SLC24A2: variants seen among roughly 807,000 people sequenced by gnomAD.
SLC24A2 encodes sodium/potassium/calcium exchanger 2.
A neutral mutation model predicts 62.0 loss-of-function variants in SLC24A2; 36 were observed. That is an observed-to-expected ratio of 0.58 (90% CI 0.44 to 0.77). SLC24A2 has a LOEUF of 0.77. Ranked by LOEUF, SLC24A2 falls within the 30% of genes least tolerant of loss-of-function variation. SLC24A2 has a pLI of 0.00. For synonymous variants in SLC24A2, 358 were observed against 294.0 expected, an observed-to-expected ratio of 1.22 and a Z score of -2.23; for missense variants, 846 against 817.9, an observed-to-expected ratio of 1.03 and a Z score of -0.42.
the SLC24A2 span, among the ~76,000 whole-genome samples, chr9:20,212,902 T>C: frequency 6.6e-6 from 1 of 151,762 alleles, no homozygotes; most frequent in South Asian, 2.1e-4. Flanking sequence ...ATTAATATCC[T>C]CAGCAATTCA....
chr9:19,886,675 C>G, the SLC24A2 span, among the ~76,000 whole-genome samples: 1 of 152,132 alleles, frequency 6.6e-6, no homozygotes, highest in Non-Finnish European at 1.5e-5. Context: ...CCAGAAATAC[C>G]ATTTGACCCA....
intron 2 of SLC24A2, among the ~76,000 whole-genome samples, chr9:19,717,738 G>A (rs1451526944): frequency 6.6e-6 from 1 of 152,040 alleles, no homozygotes; most frequent in East Asian, 1.9e-4. Flanking sequence ...TTTCTTAGTT[G>A]TTTTGTACAC....
chr9:20,063,468 A>G, the SLC24A2 span, among the ~76,000 whole-genome samples: 4 of 126,948 alleles, frequency 3.2e-5, no homozygotes, highest in Admixed American at 3.7e-4. Flanking sequence ...CAGGAAGGGG[A>G]ACATCACACT....
the SLC24A2 span, among the ~76,000 whole-genome samples, chr9:20,177,523 C>A: frequency 6.6e-6 from 1 of 151,924 alleles, no homozygotes; most frequent in African/African-American, 2.4e-5. Context: ...AGGTGTTGAC[C>A]CCGTTAGATG....
At chr9:19,956,404 C>A in the SLC24A2 span, among the ~76,000 whole-genome samples, 1 of 152,196 alleles carries the variant, frequency 6.6e-6, no homozygotes, top group Non-Finnish European at 1.5e-5. Flanking sequence ...GAAACCTAAT[C>A]ACCAGTGTAA....
At chr9:19,990,643 A>T in the SLC24A2 span, among the ~76,000 whole-genome samples, 167 of 151,246 alleles carry the variant, frequency 1.1e-3, 5 homozygotes, top group East Asian at 0.03. Flanking sequence ...AACAAAAAAA[A>T]AAAAGGAAAA....
chr9:19,858,940 C>A, the SLC24A2 span, among the ~76,000 whole-genome samples: 3 of 152,142 alleles, frequency 2.0e-5, no homozygotes, highest in Non-Finnish European at 2.9e-5. Flanking sequence ...ATCAGTGTGG[C>A]AATTCCTTAA....
chr9:19,567,400 G>C (rs925647271), intron 7 of SLC24A2, among the ~76,000 whole-genome samples: 1 of 151,450 alleles, frequency 6.6e-6, no homozygotes, highest in African/African-American at 2.4e-5. Context: ...CAAAAAATTA[G>C]CCGGGTGTGG....
At chr9:19,692,276 G>C (rs1266610165) in intron 2 of SLC24A2, among the ~76,000 whole-genome samples, 1 of 152,148 alleles carries the variant, frequency 6.6e-6, no homozygotes, top group African/African-American at 2.4e-5. Flanking sequence ...TCACAAAACA[G>C]TTGCCACTTG....
chr9:19,716,351 A>G (rs1327408), intron 2 of SLC24A2, among the ~76,000 whole-genome samples: 23,638 of 152,200 alleles, frequency 0.16, 2,290 homozygotes, highest in Non-Finnish European at 0.22. Flanking sequence ...CTTATTCATT[A>G]TTTCATTCAG....
At chr9:19,998,759 T>A in the SLC24A2 span, among the ~76,000 whole-genome samples, 2 of 152,214 alleles carry the variant, frequency 1.3e-5, no homozygotes, top group Non-Finnish European at 2.9e-5. Flanking sequence ...AAATAGAAAC[T>A]CACTCCTTCT....
chr9:19,762,990 T>C (rs974745449), intron 2 of SLC24A2, among the ~76,000 whole-genome samples: 3 of 152,160 alleles, frequency 2.0e-5, no homozygotes, highest in Admixed American at 2.0e-4. Flanking sequence ...TCCTCTCTTA[T>C]TTCCTTGAGC....
the SLC24A2 span, among the ~76,000 whole-genome samples, chr9:20,050,823 T>C: frequency 6.6e-6 from 1 of 152,202 alleles, no homozygotes; most frequent in Non-Finnish European, 1.5e-5. Flanking sequence ...AATCAATTGG[T>C]TTGTGTTTTA....
At chr9:19,703,034 G>A (rs1820403285) in intron 2 of SLC24A2, among the ~76,000 whole-genome samples, 1 of 152,098 alleles carries the variant, frequency 6.6e-6, no homozygotes, top group Non-Finnish European at 1.5e-5. Flanking sequence ...TACTGTTGTT[G>A]GGTAAAAGTT....
At chr9:19,715,317 C>T (rs1407509676) in intron 2 of SLC24A2, among the ~76,000 whole-genome samples, 1 of 152,112 alleles carries the variant, frequency 6.6e-6, no homozygotes, top group Non-Finnish European at 1.5e-5. Context: ...CACTGACAGG[C>T]AGAAAGATGA....
the SLC24A2 span, among the ~76,000 whole-genome samples, chr9:20,229,444 G>A: frequency 6.6e-6 from 1 of 152,166 alleles, no homozygotes; most frequent in Non-Finnish European, 1.5e-5. Flanking sequence ...AGTAGACAGT[G>A]TGTACAAGCT....
At chr9:19,914,149 T>A in the SLC24A2 span, among the ~76,000 whole-genome samples, 1 of 152,068 alleles carries the variant, frequency 6.6e-6, no homozygotes, top group East Asian at 1.9e-4. Context: ...TCCTTTCAGA[T>A]CTTACTTTTT....
In SLC24A2 at chr9:19,549,443, A is replaced by G. The variant is rs144953091; in HGVS notation, c.1479+694T>C. On this transcript the variant is annotated intron_variant, in intron 8 of 10. Transcript: ENST00000341998. ...AATAGGGCATAGCAGAAGTGAATCT[A>G]TGTAACTTCTGGGACTGAATCATCA... Among the ~76,000 whole-genome samples the G allele has an allele frequency of 3.6e-3, 548 of 152,316 alleles. 4 individuals carry two copies. Among genetic ancestry groups the G allele is most frequent in the African/African-American group, 0.012 (501 of 41,558 alleles).
intron 2 of SLC24A2, among the ~76,000 whole-genome samples, chr9:19,683,571 T>A (rs143188312): frequency 1.6e-4 from 25 of 151,746 alleles, no homozygotes; most frequent in African/African-American, 6.0e-4. Flanking sequence ...GAAACATAAA[T>A]TTATTTTTTC....
Sources: allele counts gnomAD v4.1 joint callset (sites outside exome capture counted in the v4.1 genomes callset), GRCh38; gene constraint gnomAD v4.1.1; transcripts MANE v1.5; gene names NCBI Gene and HGNC (gene_info 2026-07-23, HGNC 2026-07-21).